The following DLG5 variants were observed in gnomAD, a reference collection of about 807,000 sequenced individuals.
DLG5 encodes discs large MAGUK scaffold protein 5, also known as disks large homolog 5.
DLG5 carries 48 observed loss-of-function variants against 189.8 expected under a neutral mutation model. The observed-to-expected ratio is 0.25, with a 90% confidence interval of 0.20 to 0.32. The LOEUF is 0.32. DLG5 is among the 10% of genes least tolerant of loss of function. The pLI is 1.00. For synonymous variants in DLG5, 1,016 were observed against 1,054.1 expected (o/e 0.96, Z 0.70); for missense variants, 2,160 against 2,544.7 (o/e 0.85, Z 3.25).
chr10:77,816,889 G>A, intron 19 of DLG5, 118 bp downstream of exon 19: 1 of 1,405,772 alleles, frequency 7.1e-7, no homozygotes, highest in Non-Finnish European at 1.0e-6. Context: ...TGGGCTCAGT[G>A]AATTTTTACT....
chr10:77,792,162 C>T lies in DLG5; in HGVS notation c.*278G>A. On this transcript the variant is annotated 3_prime_UTR_variant, in exon 32 of 32. Transcript: ENST00000372391. ...AGGTTCTCTTTGCAGCATCTCTGAT[C>T]AGCTGGCTAAAGAAAGGTGGGTGCT... 1 of 480,790 alleles carries T rather than the reference C, an allele frequency of 2.1e-6. No individual in the cohort carries two copies. Among genetic ancestry groups the T allele is most frequent in the Non-Finnish European group, 3.7e-6 (1 of 268,674 alleles). The allele number at this position is 480,790 out of a possible 1,614,324, so 29.8% of individuals were successfully genotyped here. A position where few individuals can be genotyped will look rare whatever the true frequency, so the allele number is the denominator to read the frequency against.
At chr10:77,798,812 T>C (rs1437186000) in intron 27 of DLG5, among the ~76,000 whole-genome samples, 1 of 152,140 alleles carries the variant, frequency 6.6e-6, no homozygotes, top group African/African-American at 2.4e-5. Context: ...TATGGCACAG[T>C]TGCTATAGGG....
In DLG5 at chr10:77,819,480, G is replaced by A; in HGVS notation, c.3527-15C>T. On this transcript the variant is annotated splice_polypyrimidine_tract_variant and intron_variant, in intron 16 of 31. Coordinates refer to ENST00000372391, the MANE Select transcript of DLG5 (RefSeq NM_004747.4). ...GGGAACAGTGCCTAGAAATGGGCTTGGTGAGAAAAGACGCCCCAAAGGACC... is the reference window on the plus strand; with the variant it reads ...GGGAACAGTGCCTAGAAATGGGCTTAGTGAGAAAAGACGCCCCAAAGGACC... 6.2e-7 allele frequency: 1 copy of A among 1,608,228 alleles called. No homozygotes were observed. The highest frequency in any genetic ancestry group is 8.5e-7 in the Non-Finnish European group (1 of 1,177,784).
chr10:77,850,518 G>A lies in DLG5; in HGVS notation c.864+2836C>T, dbSNP rs117660084. Among the ~76,000 whole-genome samples the A allele has an allele frequency of 6.6e-3, 998 of 152,274 alleles. 6 individuals are homozygous for A. Among genetic ancestry groups the A allele is most frequent in the Non-Finnish European group, 0.011 (773 of 68,022 alleles). On this transcript the variant is annotated intron_variant, in intron 5 of 31. Transcript: ENST00000372391. ...TCACACCTCAAGTTTCTGTGTGGAC[G>A]TATATTTTCAGTTCTCCTGGACACC...
intron 27 of DLG5, among the ~76,000 whole-genome samples, chr10:77,798,046 G>A (rs930163211): frequency 6.6e-6 from 1 of 152,002 alleles, no homozygotes; most frequent in Non-Finnish European, 1.5e-5. Context: ...AATTAGCCGG[G>A]TGTGCTGGCG....
Position 77,857,000 on chromosome 10 carries a change from T to C in DLG5, c.374-108A>G, listed in dbSNP as rs1844268502. The C allele has an allele frequency of 3.8e-6, 4 of 1,057,372 alleles. No homozygotes were observed. The African/African-American group carries it at 6.4e-5, about 17-fold the overall frequency. The allele number at this position is 1,057,372 out of a possible 1,614,324, so 65.5% of individuals were successfully genotyped here. A position where few individuals can be genotyped will look rare whatever the true frequency, so the allele number is the denominator to read the frequency against. Reference sequence around the variant, plus strand: ...TGTTAGCTATTCGTGACCCAACAAGTGGGTCCTCTTAGCATTCCCCTTTCA... The same window carrying C: ...TGTTAGCTATTCGTGACCCAACAAGCGGGTCCTCTTAGCATTCCCCTTTCA... On this transcript the variant is annotated intron_variant, in intron 2 of 31. Coordinates refer to ENST00000372391, the MANE Select transcript of DLG5 (RefSeq NM_004747.4).
At chr10:77,923,382 G>A (rs999070115) in intron 1 of DLG5, among the ~76,000 whole-genome samples, 1 of 152,136 alleles carries the variant, frequency 6.6e-6, no homozygotes, top group African/African-American at 2.4e-5. Context: ...ACTGAGCTTT[G>A]ACCATAAGGA....
chr10:77,792,278 G>C lies in DLG5; in HGVS notation c.*162C>G. 1.5e-6 allele frequency: 1 copy of C among 689,208 alleles called. No homozygotes were observed. Among genetic ancestry groups the C allele is most frequent in the Non-Finnish European group, 2.5e-6 (1 of 396,846 alleles). 42.7% of individuals were successfully genotyped at this position (689,208 alleles called of 1,614,324 possible). On this transcript the variant is annotated 3_prime_UTR_variant, in exon 32 of 32. Coordinates refer to ENST00000372391, the MANE Select transcript of DLG5 (RefSeq NM_004747.4). ...GCCTGGGCCTGGATCGCACGCAGCC[G>C]TGGCCCTCTGTCTACAAAGGAGGTG...
chr10:77,871,741 G>A (rs554657784), intron 1 of DLG5, among the ~76,000 whole-genome samples: 31 of 151,712 alleles, frequency 2.0e-4, no homozygotes, highest in African/African-American at 7.2e-4. Flanking sequence ...ACAGGGTTTT[G>A]CTATGTTGGC....
intron 7 of DLG5, among the ~76,000 whole-genome samples, chr10:77,837,448 G>A (rs577708478): frequency 6.6e-6 from 1 of 152,192 alleles, no homozygotes; most frequent in South Asian, 2.1e-4. Context: ...GCAGGAGGTG[G>A]GCAGCTCCCC....
chr10:77,820,674 A>C (rs1023925959), intron 15 of DLG5: 1 of 213,560 alleles, frequency 4.7e-6, no homozygotes, highest in Non-Finnish European at 9.3e-6. Flanking sequence ...TGCTTTCCAC[A>C]GTCCCCAGCA....
At position 77,791,028 on chromosome 10, in the gene DLG5, T is replaced by C. The variant is rs1840623085; in HGVS notation, c.*1412A>G. 6.6e-6 allele frequency: 1 copy of C among 152,592 alleles called. No individual in the cohort carries two copies. The highest frequency in any genetic ancestry group is 2.4e-5 in the African/African-American group (1 of 41,450). 9.5% of individuals were successfully genotyped at this position (152,592 alleles called of 1,614,324 possible). ...TAGTTTGTCTGAGCTAGAAAACTTGTACCTGTAAAACAAAGGACAGCATTG... is the reference window on the plus strand; with the variant it reads ...TAGTTTGTCTGAGCTAGAAAACTTGCACCTGTAAAACAAAGGACAGCATTG... On this transcript the variant is annotated 3_prime_UTR_variant, in exon 32 of 32. Transcript: ENST00000372391.
chr10:77,795,255 C>T (rs538759421), intron 29 of DLG5, among the ~76,000 whole-genome samples: 15 of 152,346 alleles, frequency 9.8e-5, no homozygotes, highest in African/African-American at 3.6e-4. Flanking sequence ...AAGCCCTGCC[C>T]CACCCTGGCC....
rs540045612 is a variant in DLG5, at chr10:77,822,427, C to T, written c.2383-326G>A. On this transcript the variant is annotated intron_variant, in intron 14 of 31. Transcript: ENST00000372391. ...TTGGTAGGCTGAGGCAGGCGGGTCA[C>T]GAGGTCAGGAGTTCGAGACCAGCCT... Among the ~76,000 whole-genome samples the T allele has an allele frequency of 8.6e-4, 131 of 152,206 alleles. 1 individual carries two copies. Among genetic ancestry groups the T allele is most frequent in the African/African-American group, 2.9e-3 (119 of 41,538 alleles).
intron 15 of DLG5, chr10:77,820,453 A>G (rs1196818224): frequency 6.0e-6 from 1 of 166,828 alleles, no homozygotes; most frequent in African/African-American, 2.4e-5. Flanking sequence ...AGGAAGGGAC[A>G]TGAATGGGAA....
chr10:77,827,911 C>T (rs1165902155), intron 13 of DLG5, among the ~76,000 whole-genome samples: 2 of 151,976 alleles, frequency 1.3e-5, no homozygotes, highest in Admixed American at 6.6e-5. Context: ...ATGGTTTGGG[C>T]TGAGTGCTTA....
rs1841296556 is a variant in DLG5 at position 77,803,057 on chromosome 10, T to C, written c.5164+2608A>G. Among the ~76,000 whole-genome samples the C allele has an allele frequency of 2.0e-5, 3 of 152,178 alleles. No individual in the cohort carries two copies. The South Asian group carries it at 6.2e-4, about 32-fold the overall frequency. The stretch of plus-strand genomic sequence containing the variant: ...CAAAGGTGCACACTGTGAGGTCTAT[T>C]TTAACCCCCAAAAGAATAAAATAGA... On this transcript the variant is annotated intron_variant, in intron 27 of 31. Coordinates refer to ENST00000372391, the MANE Select transcript of DLG5 (RefSeq NM_004747.4).
chr10:77,824,306 A>C (rs1842507826), intron 14 of DLG5, 78 bp downstream of exon 14: 1 of 1,100,378 alleles, frequency 9.1e-7, no homozygotes, highest in African/African-American at 1.6e-5. Context: ...TGTGACCCCA[A>C]GGAGTAGCAT....
At chr10:77,928,423 A>G (rs1401442767), upstream of DLG5, 2 of 152,180 alleles carry the variant, frequency 1.3e-5, no homozygotes, top group African/African-American at 4.8e-5. Context: ...CCGTAGTCTG[A>G]CCCTCTATGG....
Sources: allele counts gnomAD v4.1 joint callset (sites outside exome capture counted in the v4.1 genomes callset), GRCh38; gene constraint gnomAD v4.1.1; transcripts MANE v1.5; gene names NCBI Gene and HGNC (gene_info 2026-07-23, HGNC 2026-07-21).